Variants in PRR16 observed in about 807,000 individuals in gnomAD.
PRR16 encodes the protein protein Largen.
PRR16 carries 6 observed loss-of-function variants against 18.2 expected under a neutral mutation model. The observed-to-expected ratio is 0.33, with a 90% CI of 0.18 to 0.65. PRR16 has a LOEUF of 0.65. PRR16 is among the 30% of genes least tolerant of loss of function. The probability of loss-of-function intolerance (pLI) is 0.74; values close to 1 mark genes in which losing one functional copy is unlikely to be tolerated. For missense variants in PRR16, 412 were observed against 376.6 expected (o/e 1.09, Z -0.78); for synonymous variants, 151 against 147.8 (o/e 1.02, Z -0.16).
intron 1 of PRR16, among the ~76,000 whole-genome samples, chr5:120,569,987 G>T (rs1317659064): frequency 1.3e-5 from 2 of 152,064 alleles, no homozygotes; most frequent in Non-Finnish European, 2.9e-5. Flanking sequence ...TTTAGATTTG[G>T]CTTATTTGGA....
chr5:120,771,202 A>G, the PRR16 span, among the ~76,000 whole-genome samples: 1 of 152,042 alleles, frequency 6.6e-6, no homozygotes, highest in Admixed American at 6.6e-5. Flanking sequence ...TTAAATATAT[A>G]TTAAACATTT....
the PRR16 span, among the ~76,000 whole-genome samples, chr5:120,747,449 G>A: frequency 6.6e-6 from 1 of 152,242 alleles, no homozygotes; most frequent in East Asian, 1.9e-4. Flanking sequence ...TGCATCTGAT[G>A]TAGAAAGCTT....
chr5:120,585,904 G>A (rs1049272358), intron 1 of PRR16, among the ~76,000 whole-genome samples: 3 of 151,942 alleles, frequency 2.0e-5, no homozygotes, highest in Non-Finnish European at 2.9e-5. Context: ...GGCCGGGTGC[G>A]ATGGCTCATG....
intron 1 of PRR16, among the ~76,000 whole-genome samples, chr5:120,471,944 G>A (rs1280763543): frequency 6.6e-6 from 1 of 152,094 alleles, no homozygotes; most frequent in African/African-American, 2.4e-5. Flanking sequence ...TATTTATTTA[G>A]AATGGAAAGA....
intron 1 of PRR16, among the ~76,000 whole-genome samples, chr5:120,648,977 C>A (rs551251231): frequency 6.6e-6 from 1 of 152,038 alleles, no homozygotes; most frequent in Admixed American, 6.6e-5. Flanking sequence ...GGAAGTAACA[C>A]GTTTTGAATG....
chr5:120,649,874 C>T (rs1755716108), intron 1 of PRR16, among the ~76,000 whole-genome samples: 1 of 151,912 alleles, frequency 6.6e-6, no homozygotes, highest in African/African-American at 2.4e-5. Context: ...TATTAATCTT[C>T]TATGAATAAA....
At chr5:120,642,705 A>G (rs1580821784) in intron 1 of PRR16, among the ~76,000 whole-genome samples, 1 of 152,052 alleles carries the variant, frequency 6.6e-6, no homozygotes, top group East Asian at 1.9e-4. Context: ...GTGTCCCCTT[A>G]TCAAGAACTT....
chr5:120,469,723 C>A (rs1005878734), intron 1 of PRR16, among the ~76,000 whole-genome samples: 1 of 152,138 alleles, frequency 6.6e-6, no homozygotes, highest in Non-Finnish European at 1.5e-5. Flanking sequence ...CTTTATACCA[C>A]AGTCTACCTC....
At chr5:120,479,052 T>TTCTTC (rs1749528532) in intron 1 of PRR16, among the ~76,000 whole-genome samples, 1 of 152,134 alleles carries the variant, frequency 6.6e-6, no homozygotes, top group African/African-American at 2.4e-5. Flanking sequence ...TGGCTTCTTT[T>TTCTTC]TCTTCTCTTT....
the PRR16 span, among the ~76,000 whole-genome samples, chr5:120,745,029 T>C: frequency 6.6e-6 from 1 of 152,222 alleles, no homozygotes; most frequent in Non-Finnish European, 1.5e-5. Context: ...TTGGTATTTA[T>C]CAGAGAGCAG....
intron 1 of PRR16, among the ~76,000 whole-genome samples, chr5:120,632,081 G>A (rs1755076338): frequency 6.6e-6 from 1 of 152,144 alleles, no homozygotes; most frequent in Non-Finnish European, 1.5e-5. Context: ...ATACTCCCCA[G>A]TACCAGCCTG....
At chr5:120,729,543 T>A in the PRR16 span, among the ~76,000 whole-genome samples, 16,185 of 152,062 alleles carry the variant, frequency 0.11, 1,092 homozygotes, top group African/African-American at 0.19. Context: ...TTTACTAGGG[T>A]TTGAGTATTT....
intron 1 of PRR16, among the ~76,000 whole-genome samples, chr5:120,647,744 G>A (rs1755646583): frequency 1.3e-5 from 2 of 152,130 alleles, no homozygotes; most frequent in South Asian, 4.1e-4. Context: ...CCTAGAAAAT[G>A]TTGCAGATCT....
At chr5:120,785,743 T>C in the PRR16 span, among the ~76,000 whole-genome samples, 1 of 151,646 alleles carries the variant, frequency 6.6e-6, no homozygotes, top group Admixed American at 6.6e-5. Context: ...GGCTAGTTTT[T>C]GTATTTTTAG....
intron 1 of PRR16, among the ~76,000 whole-genome samples, chr5:120,614,022 A>G (rs1580788478): frequency 6.6e-6 from 1 of 152,224 alleles, no homozygotes; most frequent in East Asian, 1.9e-4. Context: ...GCATTTTCAC[A>G]CACACAGATT....
chr5:120,695,944 TA>T, the PRR16 span, among the ~76,000 whole-genome samples: 7 of 152,076 alleles, frequency 4.6e-5, no homozygotes, highest in Admixed American at 1.3e-4. Context: ...TGTGTATATA[TA>T]TATATATATA....
the PRR16 span, among the ~76,000 whole-genome samples, chr5:120,767,471 T>C: frequency 6.6e-6 from 1 of 151,846 alleles, no homozygotes; most frequent in Non-Finnish European, 1.5e-5. Flanking sequence ...TGGGGCAAAG[T>C]GATGTCAGGA....
At chr5:120,660,036 C>T (rs970175403) in intron 1 of PRR16, among the ~76,000 whole-genome samples, 2 of 152,034 alleles carry the variant, frequency 1.3e-5, no homozygotes, top group Non-Finnish European at 2.9e-5. Context: ...GCTTAGATTG[C>T]TCCATCCAGA....
chr5:120,770,546 G>A, the PRR16 span, among the ~76,000 whole-genome samples: 2 of 151,812 alleles, frequency 1.3e-5, no homozygotes, highest in African/African-American at 4.8e-5. Flanking sequence ...CGAAAAGGAG[G>A]CAACAAAGAC....
Sources: allele counts gnomAD v4.1 joint callset (sites outside exome capture counted in the v4.1 genomes callset), GRCh38; gene constraint gnomAD v4.1.1; transcripts MANE v1.5; gene names NCBI Gene and HGNC (gene_info 2026-07-23, HGNC 2026-07-21).